Variants in UPF2 observed in about 807,000 individuals in gnomAD.
UPF2 encodes regulator of nonsense transcripts 2.
UPF2 carries 17 observed loss-of-function variants against 141.4 expected under a neutral mutation model. The observed-to-expected ratio is 0.12, with a 90% confidence interval of 0.08 to 0.18. The LOEUF is 0.18. UPF2 is among the 10% of genes least tolerant of loss of function. The pLI is 1.00. For missense variants in UPF2, 1,152 were observed against 1,515.9 expected (o/e 0.76, Z 3.99); for synonymous variants, 540 against 498.0 (o/e 1.08, Z -1.12).
Position 12,036,965 on chromosome 10 carries a change from T to C in UPF2, c.-18-1524A>G, listed in dbSNP as rs545830331. Among the ~76,000 whole-genome samples, 15 of 152,204 alleles carry C rather than the reference T, an allele frequency of 9.9e-5. No individual in the cohort carries two copies. In the South Asian group the frequency reaches 3.1e-3, roughly 32 times the overall value. ...GCTTGAACCCGGGAAGCGGAGGTTG[T>C]AATGAGCCAAGATCACGCCATTGGA... On this transcript the variant is annotated intron_variant, in intron 1 of 21. Transcript: ENST00000357604.
At chr10:11,950,233 T>G (rs1027954089) in intron 15 of UPF2, among the ~76,000 whole-genome samples, 1 of 152,206 alleles carries the variant, frequency 6.6e-6, no homozygotes, top group Non-Finnish European at 1.5e-5. Context: ...TTTTAGTGTT[T>G]TCCAATTAAC....
In UPF2 at chr10:11,980,178, T is replaced by C. The variant is rs972073107; in HGVS notation, c.1845-1013A>G. On this transcript the variant is annotated intron_variant, in intron 8 of 21. Transcript: ENST00000357604. The surrounding 1 kb of genome is among the most constrained non-coding windows in gnomAD (Gnocchi z 4.2). ...CAGCACTCCAGGTGGCCACTACTAG[T>C]TGGAATCAACACACAAGCTAAAATT... Among the ~76,000 whole-genome samples the C allele has an allele frequency of 2.0e-5, 3 of 152,146 alleles. No individual in the cohort carries two copies. The highest frequency in any genetic ancestry group is 7.2e-5 in the African/African-American group (3 of 41,430).
intron 3 of UPF2, among the ~76,000 whole-genome samples, chr10:12,027,409 T>C (rs116472590): frequency 0.012 from 1,765 of 152,230 alleles, 31 homozygotes; most frequent in African/African-American, 0.041. Context: ...TACTCACAAA[T>C]CAGTTATGAT....
At chr10:11,984,717 T>C (rs1345148415) in intron 8 of UPF2, among the ~76,000 whole-genome samples, 1 of 148,562 alleles carries the variant, frequency 6.7e-6, no homozygotes, top group Non-Finnish European at 1.5e-5. Context: ...TCTTTGCTCT[T>C]TAAAAAAAAA....
intron 8 of UPF2, among the ~76,000 whole-genome samples, chr10:11,987,761 CAAAAAAAAAAAA>C (rs572687103): frequency 3.0e-4 from 16 of 54,144 alleles, no homozygotes; most frequent in Admixed American, 1.1e-3. Flanking sequence ...GACTCTGCCT[CAAAAAAAAAAAA>C]AAAAAAAAAA....
At chr10:12,027,636 T>C (rs537903353) in intron 3 of UPF2, among the ~76,000 whole-genome samples, 1 of 152,354 alleles carries the variant, frequency 6.6e-6, no homozygotes, top group African/African-American at 2.4e-5. Flanking sequence ...CTTTTCCTTT[T>C]TCCTAAAAGA....
chr10:11,964,891 G>T (rs893756538), intron 10 of UPF2, among the ~76,000 whole-genome samples: 1 of 152,036 alleles, frequency 6.6e-6, no homozygotes, highest in Non-Finnish European at 1.5e-5. Context: ...CCTGAGGATG[G>T]GACCCAAATC....
chr10:12,023,360 C>T (rs1269977245), intron 3 of UPF2, among the ~76,000 whole-genome samples: 1 of 151,942 alleles, frequency 6.6e-6, no homozygotes, highest in Non-Finnish European at 1.5e-5. Flanking sequence ...AGGTCAATCA[C>T]TTAACCAAAA....
intron 8 of UPF2, among the ~76,000 whole-genome samples, chr10:11,983,522 G>A (rs955228163): frequency 4.0e-5 from 6 of 151,888 alleles, no homozygotes; most frequent in East Asian, 1.9e-4. Context: ...ACCAGCGCGT[G>A]CTATCATGCC....
chr10:12,002,232 C>T (rs772134821), intron 5 of UPF2, among the ~76,000 whole-genome samples: 36 of 152,184 alleles, frequency 2.4e-4, no homozygotes, highest in Admixed American at 3.3e-4. Flanking sequence ...GAGAGCACCA[C>T]TGCACTTGAG....
intron 14 of UPF2, among the ~76,000 whole-genome samples, chr10:11,954,644 ATAT>A (rs759407268): frequency 3.6e-4 from 45 of 124,738 alleles, no homozygotes; most frequent in South Asian, 1.1e-3. Flanking sequence ...AAAAAAAAAA[ATAT>A]ATATATATAT....
intron 16 of UPF2, among the ~76,000 whole-genome samples, chr10:11,945,587 AAC>A (rs1366945093): frequency 1.3e-5 from 2 of 152,226 alleles, no homozygotes; most frequent in Non-Finnish European, 2.9e-5. Flanking sequence ...TTATGTAGCA[AAC>A]ACACATGTAT....
rs1181947084 is a variant in UPF2 at position 11,949,343 on chromosome 10, GA to G, written c.3035-836del. Among the ~76,000 whole-genome samples, 171 of 152,238 alleles carry G rather than the reference GA, an allele frequency of 1.1e-3. 1 individual carries two copies. The highest frequency in any genetic ancestry group is 3.9e-3 in the African/African-American group (163 of 41,542). On this transcript the variant is annotated intron_variant, in intron 15 of 21. Transcript: ENST00000357604. ...CTTGCCCAATATCCTTCTCAATAGA[GA>G]ATACCCTTCAATATGCACTTTCAAA...
rs1834009451 is a variant in UPF2, at chr10:12,004,831, G to A, written c.1307-104C>T. 12 of 1,106,278 alleles carry A rather than the reference G, an allele frequency of 1.1e-5. No homozygotes were observed. In the Admixed American group the frequency reaches 2.2e-4, roughly 20 times the overall value. The allele number at this position is 1,106,278 out of a possible 1,614,324, so 68.5% of individuals were successfully genotyped here. A position where few individuals can be genotyped will look rare whatever the true frequency, so the allele number is the denominator to read the frequency against. On this transcript the variant is annotated intron_variant, in intron 4 of 21. Coordinates refer to ENST00000357604, the MANE Select transcript of UPF2 (RefSeq NM_015542.4). ...GTTTTACATCTATTGAATCTTGAGT[G>A]TTTCAACTGACAGGAACTTCTTCAA... is the stretch of plus-strand genomic sequence containing the variant.
intron 8 of UPF2, among the ~76,000 whole-genome samples, chr10:11,985,158 A>G (rs1003583288): frequency 6.6e-6 from 1 of 152,246 alleles, no homozygotes; most frequent in African/African-American, 2.4e-5. Flanking sequence ...TTATGGAAGT[A>G]AAGTTAGATA....
intron 21 of UPF2, among the ~76,000 whole-genome samples, chr10:11,928,262 G>A (rs191799927): frequency 1.3e-5 from 2 of 152,018 alleles, no homozygotes; most frequent in African/African-American, 2.4e-5. Flanking sequence ...ACTTGAACCC[G>A]GGAGGTAGAG....
At chr10:12,031,931 T>C (rs980427891) in intron 2 of UPF2, among the ~76,000 whole-genome samples, 1 of 152,200 alleles carries the variant, frequency 6.6e-6, no homozygotes, top group Non-Finnish European at 1.5e-5. Flanking sequence ...ACATGGACAG[T>C]TGAGTATCTC....
intron 8 of UPF2, among the ~76,000 whole-genome samples, chr10:11,988,508 T>C (rs1002109600): frequency 1.3e-5 from 2 of 152,146 alleles, no homozygotes; most frequent in Admixed American, 6.5e-5. Flanking sequence ...TCTCACTATG[T>C]TGTCTAGGCC....
At chr10:11,922,531 T>C (rs894448754) in intron 21 of UPF2, among the ~76,000 whole-genome samples, 3 of 152,126 alleles carry the variant, frequency 2.0e-5, no homozygotes, top group South Asian at 2.1e-4. Flanking sequence ...TTTAAATAAA[T>C]GCAGTAAATG....
Sources: allele counts gnomAD v4.1 joint callset (sites outside exome capture counted in the v4.1 genomes callset), GRCh38; gene constraint gnomAD v4.1.1; non-coding constraint Gnocchi (gnomAD v3.1); transcripts MANE v1.5; gene names NCBI Gene and HGNC (gene_info 2026-07-23, HGNC 2026-07-21).